PHACTR3: variants seen among roughly 807,000 people sequenced by gnomAD.
PHACTR3 encodes the protein protein phosphatase 1, regulatory subunit 123.
Under a neutral mutation model 66.8 loss-of-function variants are expected in PHACTR3, and 16 were observed. The ratio of observed to expected loss-of-function variants is 0.24; its 90% CI spans 0.16 to 0.36. PHACTR3 has a LOEUF of 0.36. Among genes scored for constraint, PHACTR3 ranks in the 10% least tolerant of loss-of-function variants. The probability of loss-of-function intolerance (pLI) is 1.00; values close to 1 mark genes in which losing one functional copy is unlikely to be tolerated. For missense variants in PHACTR3, 647 were observed against 719.9 expected (o/e 0.90, Z 1.16); for synonymous variants, 323 against 292.1 (o/e 1.11, Z -1.08).
intron 1 of PHACTR3, among the ~76,000 whole-genome samples, chr20:59,614,137 A>G (rs2033947640): frequency 6.6e-6 from 1 of 152,198 alleles, no homozygotes; most frequent in Non-Finnish European, 1.5e-5. Context: ...GCCCATCCCT[A>G]TCTGCACCAC....
intron 7 of PHACTR3, among the ~76,000 whole-genome samples, chr20:59,783,718 G>A (rs946014849): frequency 1.3e-5 from 2 of 152,230 alleles, no homozygotes; most frequent in Non-Finnish European, 2.9e-5. Context: ...GCACTGCCCT[G>A]GGTGCTGTGG....
chr20:59,616,144 ATTACT>A (rs137867812), intron 1 of PHACTR3, among the ~76,000 whole-genome samples: 2,624 of 152,264 alleles, frequency 0.017, 96 homozygotes, highest in African/African-American at 0.059. Flanking sequence ...CAGAATGAGG[ATTACT>A]TTACTTATAT....
chr20:59,590,097 A>G (rs2033144276), intron 1 of PHACTR3, among the ~76,000 whole-genome samples: 1 of 152,024 alleles, frequency 6.6e-6, no homozygotes, highest in Non-Finnish European at 1.5e-5. Flanking sequence ...GAGTGTGTGC[A>G]CTCACGTGTG....
chr20:59,695,734 ATT>A, intron 1 of PHACTR3, among the ~76,000 whole-genome samples: 1 of 147,192 alleles, frequency 6.8e-6, no homozygotes, highest in African/African-American at 2.5e-5. Context: ...GAAGTTGTCT[ATT>A]TTTTTTTTTT....
intron 1 of PHACTR3, among the ~76,000 whole-genome samples, chr20:59,730,510 C>T (rs372949972): frequency 6.6e-5 from 10 of 152,036 alleles, no homozygotes; most frequent in East Asian, 3.9e-4. Flanking sequence ...TGCTTGCTTG[C>T]GGGGTAGGCA....
intron 1 of PHACTR3, among the ~76,000 whole-genome samples, chr20:59,581,616 T>C (rs147334175): frequency 0.015 from 2,347 of 152,312 alleles, 70 homozygotes; most frequent in African/African-American, 0.049. Context: ...ACGTGGTGGC[T>C]CACGCCTGTA....
chr20:59,584,796 C>T (rs550447527), intron 1 of PHACTR3, among the ~76,000 whole-genome samples: 2 of 152,156 alleles, frequency 1.3e-5, no homozygotes, highest in African/African-American at 2.4e-5. Context: ...AGCAGCGAGA[C>T]CTCGTCTGTG....
rs2059168278 is a variant in PHACTR3 at position 59,847,291 on chromosome 20, G to GCAAGAGGAGTAA, written c.*163_*174dup. On this transcript the variant is annotated 3_prime_UTR_variant, in exon 13 of 13. Transcript: ENST00000371015. ...GGTGCAATCTTGACCACACTTACCT[G>GCAAGAGGAGTAA]CAAGAGGAGTAACCAGAGGACACAC... is the stretch of plus-strand genomic sequence containing the variant. 1 of 501,230 alleles carries GCAAGAGGAGTAA rather than the reference G, an allele frequency of 2.0e-6. No homozygotes were observed. The highest frequency in any genetic ancestry group is 3.7e-6 in the Non-Finnish European group (1 of 272,528). 31.0% of individuals were successfully genotyped at this position (501,230 alleles called of 1,614,324 possible). A position where few individuals can be genotyped will look rare whatever the true frequency, so the allele number is the denominator to read the frequency against.
chr20:59,818,402 A>C (rs2041942769), intron 8 of PHACTR3, among the ~76,000 whole-genome samples: 2 of 152,252 alleles, frequency 1.3e-5, no homozygotes, highest in African/African-American at 4.8e-5. Context: ...TCTGAGTTCC[A>C]TGAGGATAGG....
Position 59,755,466 on chromosome 20 carries a change from T to C in PHACTR3, c.541+102T>C. Reference sequence around the variant, plus strand: ...CTTAGGCAACAGCCCTCGTAGAACATTGTTCTCCAGAGAGCTGGGCCCGTG... The same window carrying C: ...CTTAGGCAACAGCCCTCGTAGAACACTGTTCTCCAGAGAGCTGGGCCCGTG... On this transcript the variant is annotated intron_variant, in intron 4 of 12. Coordinates refer to ENST00000371015, the MANE Select transcript of PHACTR3 (RefSeq NM_080672.5). The C allele has an allele frequency of 3.1e-6, 4 of 1,307,066 alleles. No homozygotes were observed. In the South Asian group the frequency reaches 5.8e-5, roughly 19 times the overall value. 81.0% of individuals were successfully genotyped at this position (1,307,066 alleles called of 1,614,324 possible).
intron 7 of PHACTR3, among the ~76,000 whole-genome samples, chr20:59,796,991 T>A (rs554059530): frequency 6.6e-6 from 1 of 152,300 alleles, no homozygotes; most frequent in South Asian, 2.1e-4. Flanking sequence ...AAACATTTGT[T>A]TACTTAATGG....
chr20:59,766,917 G>T (rs2040199010), intron 4 of PHACTR3, among the ~76,000 whole-genome samples: 1 of 152,188 alleles, frequency 6.6e-6, no homozygotes, highest in Admixed American at 6.5e-5. Context: ...TCCTAGGTGA[G>T]GTGGGAGCTG....
chr20:59,747,915 C>A, intron 3 of PHACTR3, 80 bp downstream of exon 3: 6 of 1,456,794 alleles, frequency 4.1e-6, no homozygotes, highest in Non-Finnish European at 5.7e-6. Context: ...GCCCAGGAAG[C>A]CCATCAGAAA....
chr20:59,662,331 C>T (rs747696054), intron 1 of PHACTR3, among the ~76,000 whole-genome samples: 6 of 151,990 alleles, frequency 3.9e-5, no homozygotes, highest in Non-Finnish European at 8.8e-5. Flanking sequence ...GACACAGAGG[C>T]GGATTCTATG....
At chr20:59,633,102 C>G (rs746309101) in intron 1 of PHACTR3, among the ~76,000 whole-genome samples, 2 of 152,168 alleles carry the variant, frequency 1.3e-5, no homozygotes, top group Non-Finnish European at 2.9e-5. Context: ...CTGGGAGGAC[C>G]TGTCACACTC....
Position 59,810,840 on chromosome 20 carries a change from A to T in PHACTR3, c.1328+4646A>T, listed in dbSNP as rs118176546. ...CAGCTTACCTTTAAAACCTGTGTGG[A>T]TGCATCAGCAGAGTATGAGAGGCCC... On this transcript the variant is annotated intron_variant, in intron 8 of 12. Transcript: ENST00000371015. 3.5e-4 allele frequency among the ~76,000 whole-genome samples: 54 copies of T among 152,202 alleles called. No homozygotes were observed. The East Asian group carries it at 4.1e-3, about 11-fold the overall frequency.
intron 4 of PHACTR3, among the ~76,000 whole-genome samples, chr20:59,761,940 C>T (rs2040005823): frequency 6.6e-6 from 1 of 152,238 alleles, no homozygotes; most frequent in African/African-American, 2.4e-5. Context: ...TCTTCTTCCA[C>T]TTTTTAAAAA....
rs996092582 is a variant in PHACTR3, at chr20:59,737,510, G to A, written c.119-5597G>A. Among the ~76,000 whole-genome samples, 7 of 138,648 alleles carry A rather than the reference G, an allele frequency of 5.0e-5. No homozygotes were observed. The South Asian group carries it at 1.2e-3, about 23-fold the overall frequency. 91.0% of individuals were successfully genotyped at this position (138,648 alleles called of 152,430 possible). A position where few individuals can be genotyped will look rare whatever the true frequency, so the allele number is the denominator to read the frequency against. On this transcript the variant is annotated intron_variant, in intron 1 of 12. Transcript: ENST00000371015. ...TGTGCGTGTGTGTGTGTCTGTGTGC[G>A]TGCATGTGTGCGTGTATGTGTGTGC...
chr20:59,587,137 C>T (rs2033054484), intron 1 of PHACTR3, among the ~76,000 whole-genome samples: 1 of 152,132 alleles, frequency 6.6e-6, no homozygotes, highest in Non-Finnish European at 1.5e-5. Flanking sequence ...GGATGTGGTG[C>T]CCCACAGGTG....
Sources: gnomAD v4.1 joint callset for allele counts (sites outside exome capture counted in the v4.1 genomes callset) on GRCh38, gnomAD v4.1.1 for gene constraint, MANE v1.5 for transcripts, NCBI Gene and HGNC (gene_info 2026-07-23, HGNC 2026-07-21) for gene names.